The following OR51B5 variants were observed in gnomAD, a reference collection of about 807,000 sequenced individuals.
OR51B5 encodes the protein olfactory receptor family 51 subfamily B member 5.
For synonymous variants in OR51B5, 186 were observed against 144.8 expected, an observed-to-expected ratio of 1.28 and a Z score of -2.04; for missense variants, 456 against 374.6, an observed-to-expected ratio of 1.22 and a Z score of -1.79.
chr11:5,422,646 C>A, intron 1 of OR51B5: 1 of 1,614,114 alleles, frequency 6.2e-7, no homozygotes, highest in Non-Finnish European at 8.5e-7. Flanking sequence ...ACTGGGTTAG[C>A]CATCATTTGC....
At chr11:5,374,350 A>T (rs888012949) in intron 1 of OR51B5, among the ~76,000 whole-genome samples, 1 of 152,112 alleles carries the variant, frequency 6.6e-6, no homozygotes, top group African/African-American at 2.4e-5. Flanking sequence ...ATCATCAAAG[A>T]CCAAAAGTAG....
At chr11:5,453,127 T>G (rs1590003750) in intron 1 of OR51B5, 1 of 166,138 alleles carries the variant, frequency 6.0e-6, no homozygotes, top group Non-Finnish European at 1.3e-5. Flanking sequence ...CTATGAATTG[T>G]AGTTAGCATA....
At chr11:5,437,478 C>CA (rs1458814642) in intron 1 of OR51B5, among the ~76,000 whole-genome samples, 1 of 152,148 alleles carries the variant, frequency 6.6e-6, no homozygotes, top group Non-Finnish European at 1.5e-5. Flanking sequence ...CATGGTCTGC[C>CA]AAGTTACTAC....
chr11:5,384,096 T>G (rs1362803395), intron 1 of OR51B5, among the ~76,000 whole-genome samples: 1 of 152,200 alleles, frequency 6.6e-6, no homozygotes, highest in East Asian at 1.9e-4. Flanking sequence ...TTGAATGTCC[T>G]TAGCCAAATG....
chr11:5,347,820 C>T (rs80331421), upstream of OR51B5, among the ~76,000 whole-genome samples: 20,122 of 151,796 alleles, frequency 0.13, 1,518 homozygotes, highest in Non-Finnish European at 0.17. Context: ...GAGGGAAGAA[C>T]AATAATTATC....
chr11:5,489,844 G>T, intron 1 of OR51B5: 1 of 581,072 alleles, frequency 1.7e-6, no homozygotes, highest in Non-Finnish European at 3.0e-6. Context: ...CTATTTTCCT[G>T]AGGCTCCTTG....
At chr11:5,439,619 TAAAG>T (rs998705033) in intron 1 of OR51B5, among the ~76,000 whole-genome samples, 2 of 152,174 alleles carry the variant, frequency 1.3e-5, no homozygotes, top group African/African-American at 2.4e-5. Context: ...TTCAGATGTC[TAAAG>T]AAAGTCCTCA....
chr11:5,444,252 T>C (rs1850732268), intron 1 of OR51B5, among the ~76,000 whole-genome samples: 1 of 151,682 alleles, frequency 6.6e-6, no homozygotes. Context: ...ACTTCAGTCA[T>C]TTGGTTCTGT....
intron 1 of OR51B5, among the ~76,000 whole-genome samples, chr11:5,450,575 G>A (rs1364783948): frequency 6.6e-6 from 1 of 152,172 alleles, no homozygotes; most frequent in African/African-American, 2.4e-5. Context: ...CAAGGTTCTA[G>A]TTCCAGGAAT....
chr11:5,384,284 A>C (rs1262921725), intron 1 of OR51B5, among the ~76,000 whole-genome samples: 4 of 152,100 alleles, frequency 2.6e-5, no homozygotes, highest in Non-Finnish European at 5.9e-5. Context: ...CAATCCTCCC[A>C]CCTTATTCTT....
intron 1 of OR51B5, among the ~76,000 whole-genome samples, chr11:5,448,346 C>T (rs10500641): frequency 0.83 from 126,321 of 152,154 alleles, 52,578 homozygotes; most frequent in Non-Finnish European, 0.85. Flanking sequence ...TAAATTAACA[C>T]TGATAAACGT....
At chr11:5,453,811 C>T (rs898935254) in intron 1 of OR51B5, 1 of 1,614,200 alleles carries the variant, frequency 6.2e-7, no homozygotes, top group Non-Finnish European at 8.5e-7. Flanking sequence ...CACTTCTTCT[C>T]CATGATGGAA....
chr11:5,343,136 T>G, exon 1 of OR51B5: 1 of 1,613,730 alleles, frequency 6.2e-7, no homozygotes, highest in Non-Finnish European at 8.5e-7. Context: ...TACAGAGGTA[T>G]ATCTAAGAGG....
intron 1 of OR51B5, among the ~76,000 whole-genome samples, chr11:5,478,193 G>A (rs1000446486): frequency 9.9e-5 from 15 of 152,002 alleles, no homozygotes; most frequent in Admixed American, 5.9e-4. Flanking sequence ...CCTCAAGTGG[G>A]TCCCTGACCC....
At chr11:5,394,877 T>A (rs1849844127) in intron 1 of OR51B5, among the ~76,000 whole-genome samples, 1 of 152,212 alleles carries the variant, frequency 6.6e-6, no homozygotes, top group Non-Finnish European at 1.5e-5. Context: ...AAGCTTGTGA[T>A]CTTTACATAC....
chr11:5,463,962 T>C (rs1262970433), intron 1 of OR51B5, among the ~76,000 whole-genome samples: 1 of 152,226 alleles, frequency 6.6e-6, no homozygotes, highest in Non-Finnish European at 1.5e-5. Flanking sequence ...TCATGTCAAC[T>C]GTATGAGGAC....
In OR51B5 at chr11:5,452,504, C is replaced by CAAA. The variant is rs56677841; in HGVS notation, n.84+53062_84+53064dup. The stretch of plus-strand genomic sequence containing the variant: ...TGGGCAAAAGAGAGAGACTCTGTCT[C>CAAA]AAAAAAAAAAAAAAAAAAAAAAAAA... On this transcript the variant is annotated intron_variant and non_coding_transcript_variant, in intron 1 of 4. Transcript: ENST00000415970. Among the ~76,000 whole-genome samples the CAAA allele has an allele frequency of 7.8e-4, 54 of 69,212 alleles. 6 individuals carry two copies. The highest frequency in any genetic ancestry group is 0.011 in the Middle Eastern group (1 of 92). 45.4% of individuals were successfully genotyped at this position (69,212 alleles called of 152,430 possible).
At chr11:5,367,511 C>T (rs1169625176) in intron 1 of OR51B5, among the ~76,000 whole-genome samples, 1 of 152,174 alleles carries the variant, frequency 6.6e-6, no homozygotes, top group Admixed American at 6.5e-5. Context: ...TCTAAACAGT[C>T]ATAGTGCTGG....
chr11:5,410,952 CA>C (rs1328701452), intron 1 of OR51B5, among the ~76,000 whole-genome samples: 3 of 130,700 alleles, frequency 2.3e-5, no homozygotes, highest in Non-Finnish European at 3.4e-5. Context: ...AGCTGTATTA[CA>C]AAACAGTCAA....
Sources: allele counts gnomAD v4.1 joint callset (sites outside exome capture counted in the v4.1 genomes callset), GRCh38; gene constraint gnomAD v4.1.1; transcripts MANE v1.5; gene names NCBI Gene and HGNC (gene_info 2026-07-23, HGNC 2026-07-21).